EIF4G3: variants seen among roughly 807,000 people sequenced by gnomAD.
EIF4G3 encodes eukaryotic translation initiation factor 4 gamma 3, also known as eIF-4-gamma 3.
EIF4G3 carries 34 observed loss-of-function variants against 186.4 expected under a neutral mutation model. That is an observed-to-expected ratio of 0.18 (90% CI 0.14 to 0.24). The LOEUF is 0.24. EIF4G3 is among the 10% of genes least tolerant of loss of function. The pLI is 1.00. For synonymous variants in EIF4G3, 673 were observed against 679.5 expected (o/e 0.99, Z 0.15); for missense variants, 1,536 against 1,948.5 (o/e 0.79, Z 3.99).
At chr1:20,851,136 A>T (rs1215260604) in intron 28 of EIF4G3, 122 bp downstream of exon 28, 4 of 815,322 alleles carry the variant, frequency 4.9e-6, no homozygotes, top group Admixed American at 5.1e-5. Flanking sequence ...TTAACTCTTC[A>T]GATGCTGGTA....
Position 20,971,781 on chromosome 1 carries a change from G to A in EIF4G3, c.591+1221C>T, listed in dbSNP as rs149977552. Among the ~76,000 whole-genome samples the A allele has an allele frequency of 1.7e-3, 259 of 152,188 alleles. 1 individual carries two copies. Among genetic ancestry groups the A allele is most frequent in the African/African-American group, 5.7e-3 (237 of 41,522 alleles). On this transcript the variant is annotated intron_variant, in intron 11 of 36. Coordinates refer to ENST00000602326, the MANE Select transcript of EIF4G3 (RefSeq NM_001391906.1). ...CCCGAGTAGCTGGAATTATAGGCAC[G>A]AGCCTCCACACCCAGCTAATTTTTG...
chr1:20,989,947 C>A (rs78244511), intron 7 of EIF4G3, among the ~76,000 whole-genome samples: 4,437 of 152,052 alleles, frequency 0.029, 143 homozygotes, highest in East Asian at 0.14. Context: ...GAGGCCGAAA[C>A]GGGCGGATCA....
rs538524160 is a variant in EIF4G3 at position 20,864,739 on chromosome 1, T to C, written c.2770-27A>G. 19 of 1,569,766 alleles carry C rather than the reference T, an allele frequency of 1.2e-5. No individual in the cohort carries two copies. The Admixed American group carries it at 3.0e-4, about 25-fold the overall frequency. On this transcript the variant is annotated intron_variant, in intron 21 of 36. Coordinates refer to ENST00000602326, the MANE Select transcript of EIF4G3 (RefSeq NM_001391906.1). Reference sequence around the variant, plus strand: ...TGTTGTGTAAGGAGGAATAATAGCATCTTGATGATGAAAGTTGTACTGCAC... The same window carrying C: ...TGTTGTGTAAGGAGGAATAATAGCACCTTGATGATGAAAGTTGTACTGCAC...
intron 29 of EIF4G3, among the ~76,000 whole-genome samples, chr1:20,845,654 T>C (rs1043132157): frequency 6.6e-6 from 1 of 151,392 alleles, no homozygotes; most frequent in East Asian, 1.9e-4. Context: ...AGTGCAAGAC[T>C]CCATCTCAAG....
chr1:20,962,319 T>C (rs1475265296), intron 12 of EIF4G3, among the ~76,000 whole-genome samples: 1 of 152,206 alleles, frequency 6.6e-6, no homozygotes, highest in Non-Finnish European at 1.5e-5. Context: ...TTATATATTA[T>C]ATACTATATT....
chr1:21,021,735 T>C (rs2090760270), intron 4 of EIF4G3, among the ~76,000 whole-genome samples: 1 of 152,054 alleles, frequency 6.6e-6, no homozygotes, highest in South Asian at 2.1e-4. Flanking sequence ...TTTGTATTTT[T>C]AGTAGAGACA....
At chr1:21,049,087 A>C (rs1196436791) in intron 4 of EIF4G3, among the ~76,000 whole-genome samples, 1 of 152,208 alleles carries the variant, frequency 6.6e-6, no homozygotes, top group Non-Finnish European at 1.5e-5. Context: ...TGTCTGTGGG[A>C]AACAGATATG....
chr1:20,813,516 C>A (rs1232797590), intron 34 of EIF4G3, among the ~76,000 whole-genome samples: 1 of 150,884 alleles, frequency 6.6e-6, no homozygotes, highest in East Asian at 2.0e-4. Flanking sequence ...CTGCAGTAAG[C>A]AATGACTGCA....
chr1:20,823,840 T>C (rs2062978550), intron 33 of EIF4G3, among the ~76,000 whole-genome samples: 2 of 152,236 alleles, frequency 1.3e-5, no homozygotes, highest in Admixed American at 1.3e-4. Context: ...TTTACTTTTA[T>C]CTTTACTTCT....
At chr1:21,145,679 C>CA (rs2102721436) in intron 2 of EIF4G3, among the ~76,000 whole-genome samples, 1 of 152,120 alleles carries the variant, frequency 6.6e-6, no homozygotes, top group Non-Finnish European at 1.5e-5. Flanking sequence ...AAAGTCTCAC[C>CA]AAAACCATTC....
intron 34 of EIF4G3, among the ~76,000 whole-genome samples, chr1:20,814,748 TCTCCCCCTCCCCCTCCCC>T (rs1236376172): frequency 6.3e-4 from 5 of 7,936 alleles, no homozygotes; most frequent in African/African-American, 1.3e-3. Context: ...TAAAAATTCA[TCTCCCCCTCCCCCTCCCC>T]CTCCCCCTCC....
At chr1:20,808,021 T>C (rs977214026) in intron 36 of EIF4G3, among the ~76,000 whole-genome samples, 2 of 151,952 alleles carry the variant, frequency 1.3e-5, no homozygotes, top group Non-Finnish European at 2.9e-5. Flanking sequence ...GTACCTGGGA[T>C]TACAGGCGCC....
intron 3 of EIF4G3, among the ~76,000 whole-genome samples, chr1:21,067,660 AATCTT>A (rs773681131): frequency 1.6e-4 from 25 of 152,276 alleles, no homozygotes; most frequent in Non-Finnish European, 3.2e-4. Context: ...GGGTAAATAA[AATCTT>A]AATAAGATAC....
At chr1:20,884,645 T>C (rs1289133960) in intron 19 of EIF4G3, among the ~76,000 whole-genome samples, 2 of 152,132 alleles carry the variant, frequency 1.3e-5, no homozygotes, top group Non-Finnish European at 2.9e-5. Flanking sequence ...ATCTCAGCAA[T>C]GTGATGAAGG....
At chr1:21,126,011 C>T (rs1267818344) in intron 2 of EIF4G3, among the ~76,000 whole-genome samples, 1 of 151,548 alleles carries the variant, frequency 6.6e-6, no homozygotes, top group Non-Finnish European at 1.5e-5. Flanking sequence ...TGAGACCAGC[C>T]TGGGCAACAT....
intron 2 of EIF4G3, among the ~76,000 whole-genome samples, chr1:21,143,198 G>A (rs953035262): frequency 4.6e-5 from 7 of 151,828 alleles, no homozygotes; most frequent in South Asian, 2.1e-4. Flanking sequence ...GCAGTGAGCC[G>A]ATATTGCGCC....
chr1:20,813,017 C>T, intron 35 of EIF4G3, 141 bp downstream of exon 35: 1 of 593,778 alleles, frequency 1.7e-6, no homozygotes, highest in Non-Finnish European at 3.0e-6. Flanking sequence ...AACCAGGCAT[C>T]ACAGACAGAA....
At chr1:21,017,478 A>C (rs1474665073) in intron 4 of EIF4G3, among the ~76,000 whole-genome samples, 4 of 152,026 alleles carry the variant, frequency 2.6e-5, no homozygotes, top group Non-Finnish European at 5.9e-5. Flanking sequence ...AATGCAAAAA[A>C]TTAGCTGGGC....
At chr1:20,897,954 A>AT (rs2154556305) in intron 16 of EIF4G3, among the ~76,000 whole-genome samples, 1 of 152,188 alleles carries the variant, frequency 6.6e-6, no homozygotes, top group African/African-American at 2.4e-5. Flanking sequence ...ATATAAAAAT[A>AT]TAATTTGCAT....
Sources: gnomAD v4.1 joint callset for allele counts (sites outside exome capture counted in the v4.1 genomes callset) on GRCh38, gnomAD v4.1.1 for gene constraint, MANE v1.5 for transcripts, NCBI Gene and HGNC (gene_info 2026-07-23, HGNC 2026-07-21) for gene names.